FIRRM: variants seen among roughly 807,000 people sequenced by gnomAD.
FIRRM encodes the protein FIGNL1 interacting regulator of recombination and mitosis.
chr1:169,823,343 T>G, the FIRRM span: 7 of 901,210 alleles, frequency 7.8e-6, no homozygotes, highest in Non-Finnish European at 1.2e-5. Flanking sequence ...CATACCTTTG[T>G]GAGATTATAT....
At chr1:169,833,928 C>T in the FIRRM span, among the ~76,000 whole-genome samples, 6 of 144,218 alleles carry the variant, frequency 4.2e-5, no homozygotes, top group South Asian at 4.5e-4. Context: ...TGAACTCAGA[C>T]GATCCTCCTG....
chr1:169,806,103 T>C, the FIRRM span: 1 of 1,488,568 alleles, frequency 6.7e-7, no homozygotes, highest in Non-Finnish European at 9.2e-7. Context: ...GTTTGTTTGT[T>C]ATTTTTTACT....
the FIRRM span, chr1:169,853,181 A>ACAGT: frequency 1.6e-6 from 1 of 607,888 alleles, no homozygotes; most frequent in Non-Finnish European, 2.9e-6. Flanking sequence ...TACATGTGGA[A>ACAGT]CAGTCAGGAA....
At chr1:169,795,991 A>T in the FIRRM span, 1 of 982,132 alleles carries the variant, frequency 1.0e-6, no homozygotes, top group Admixed American at 6.1e-5. Context: ...ATGGTAAACC[A>T]TATGTATATG....
At chr1:169,810,780 T>C in the FIRRM span, among the ~76,000 whole-genome samples, 2 of 150,452 alleles carry the variant, frequency 1.3e-5, no homozygotes, top group East Asian at 3.9e-4. Flanking sequence ...AAAAAGAGAA[T>C]ATTCTATTAG....
chr1:169,814,207 T>C, the FIRRM span, among the ~76,000 whole-genome samples: 1 of 152,172 alleles, frequency 6.6e-6, no homozygotes, highest in Non-Finnish European at 1.5e-5. Context: ...TACCATAAAA[T>C]AATACAAATC....
chr1:169,794,750 C>T, the FIRRM span: 1 of 179,168 alleles, frequency 5.6e-6, no homozygotes, highest in African/African-American at 2.4e-5. Context: ...CAAATCCGAC[C>T]CCAGAAGTGG....
chr1:169,847,318 A>T, the FIRRM span, among the ~76,000 whole-genome samples: 525 of 33,950 alleles, frequency 0.015, 4 homozygotes, highest in African/African-American at 0.058. Flanking sequence ...ATTTCTAAAA[A>T]AAAAAAAAAA....
the FIRRM span, chr1:169,843,569 T>C: frequency 1.5e-6 from 1 of 681,224 alleles, no homozygotes; most frequent in South Asian, 1.8e-5. Flanking sequence ...AAATATAAAA[T>C]ACTTAACATA....
chr1:169,833,426 G>A, the FIRRM span, among the ~76,000 whole-genome samples: 4 of 152,202 alleles, frequency 2.6e-5, no homozygotes, highest in Admixed American at 2.6e-4. Flanking sequence ...ATGGTCCTCG[G>A]TTTGAATCCT....
the FIRRM span, among the ~76,000 whole-genome samples, chr1:169,817,557 A>G: frequency 1.3e-5 from 2 of 152,344 alleles, no homozygotes; most frequent in East Asian, 3.9e-4. Context: ...GCCAAACATC[A>G]TTTTATATTT....
the FIRRM span, among the ~76,000 whole-genome samples, chr1:169,817,594 A>G: frequency 2.7e-4 from 41 of 152,376 alleles, no homozygotes; most frequent in Non-Finnish European, 4.4e-4. Context: ...TGATTTTTAT[A>G]CCAAAAAAGC....
chr1:169,803,083 G>T, the FIRRM span: 4 of 1,227,286 alleles, frequency 3.3e-6, no homozygotes, highest in Non-Finnish European at 4.6e-6. Context: ...GTTCATTGCT[G>T]TATTTGTAGC....
At chr1:169,785,711 A>G in the FIRRM span, among the ~76,000 whole-genome samples, 2 of 152,086 alleles carry the variant, frequency 1.3e-5, no homozygotes, top group African/African-American at 4.8e-5. Context: ...GCAGGCCAAA[A>G]GGGAACTTTT....
At chr1:169,823,382 G>T in the FIRRM span, 1 of 1,490,416 alleles carries the variant, frequency 6.7e-7, no homozygotes, top group Non-Finnish European at 9.3e-7. Flanking sequence ...TTTATGCAAA[G>T]AATGAATAGA....
chr1:169,809,347 T>A, the FIRRM span, among the ~76,000 whole-genome samples: 1 of 152,210 alleles, frequency 6.6e-6, no homozygotes, highest in Non-Finnish European at 1.5e-5. Context: ...TGTTTGGGTA[T>A]CCTATATCAA....
At chr1:169,832,298 T>C in the FIRRM span, 1 of 624,014 alleles carries the variant, frequency 1.6e-6, no homozygotes, top group South Asian at 2.2e-5. Flanking sequence ...AAGTCAATAT[T>C]ACCTACAATC....
At chr1:169,832,226 G>A in the FIRRM span, among the ~76,000 whole-genome samples, 3 of 152,172 alleles carry the variant, frequency 2.0e-5, no homozygotes, top group South Asian at 4.1e-4. Flanking sequence ...TGTTAAATAT[G>A]TCAGAAGTTC....
chr1:169,816,238 A>G, the FIRRM span, among the ~76,000 whole-genome samples: 2 of 152,152 alleles, frequency 1.3e-5, no homozygotes, highest in East Asian at 1.9e-4. Context: ...TGATTCCAGT[A>G]TGGGCCCAGA....
Sources: gnomAD v4.1 joint callset for allele counts (sites outside exome capture counted in the v4.1 genomes callset) on GRCh38, gnomAD v4.1.1 for gene constraint, MANE v1.5 for transcripts, NCBI Gene and HGNC (gene_info 2026-07-23, HGNC 2026-07-21) for gene names.